PCDH7: variants seen among roughly 807,000 people sequenced by gnomAD.
The protein encoded by PCDH7 is protocadherin 7.
Under a neutral mutation model 58.9 loss-of-function variants are expected in PCDH7, and 17 were observed. The ratio of observed to expected loss-of-function variants is 0.29; its 90% CI spans 0.20 to 0.43. The LOEUF (loss-of-function observed/expected upper bound fraction) is 0.43, where lower values mean the gene tolerates loss of function less well. Ranked by LOEUF, PCDH7 falls within the 20% of genes least tolerant of loss-of-function variation. The pLI, the probability that PCDH7 is intolerant of heterozygous loss-of-function variation, is 1.00. For synonymous variants in PCDH7, 664 were observed against 616.4 expected (o/e 1.08, Z -1.14); for missense variants, 1,274 against 1,441.0 (o/e 0.88, Z 1.88).
At chr4:30,909,779 C>G (rs997933280) in intron 1 of PCDH7, among the ~76,000 whole-genome samples, 2 of 152,100 alleles carry the variant, frequency 1.3e-5, no homozygotes, top group Non-Finnish European at 2.9e-5. Context: ...CAATGCTATT[C>G]CCATCAAGCT....
chr4:31,123,691 C>T (rs1717949745), intron 3 of PCDH7, among the ~76,000 whole-genome samples: 1 of 152,098 alleles, frequency 6.6e-6, no homozygotes, highest in South Asian at 2.1e-4. Context: ...TTTTTGGATT[C>T]CCACACCCAG....
intron 3 of PCDH7, among the ~76,000 whole-genome samples, chr4:31,061,423 T>C (rs905498535): frequency 6.6e-6 from 1 of 151,634 alleles, no homozygotes; most frequent in African/African-American, 2.4e-5. Context: ...TTTAATTTTC[T>C]TCTAGAGAGT....
intron 1 of PCDH7, among the ~76,000 whole-genome samples, chr4:30,894,512 TATATACACACAC>T (rs1289923533): frequency 0.018 from 896 of 50,236 alleles, 6 homozygotes; most frequent in East Asian, 0.025. Context: ...TATATATATA[TATATACACACAC>T]ACACACACAC....
chr4:31,013,967 A>G (rs1368430009), intron 3 of PCDH7, among the ~76,000 whole-genome samples: 1 of 152,110 alleles, frequency 6.6e-6, no homozygotes, highest in African/African-American at 2.4e-5. Flanking sequence ...TATCTCAGGG[A>G]TTTTAGCTAA....
chr4:30,749,139 A>G (rs1048356913), intron 1 of PCDH7, among the ~76,000 whole-genome samples: 6 of 152,340 alleles, frequency 3.9e-5, no homozygotes, highest in Middle Eastern at 3.4e-3. Context: ...TAATGAATCC[A>G]AGATAATGTC....
chr4:30,762,520 TA>T (rs1720160166), intron 1 of PCDH7, among the ~76,000 whole-genome samples: 1 of 152,236 alleles, frequency 6.6e-6, no homozygotes, highest in African/African-American at 2.4e-5. Context: ...AATCTTCATT[TA>T]TTTTAGTTCT....
At chr4:30,915,548 G>C (rs908102831) in intron 1 of PCDH7, among the ~76,000 whole-genome samples, 1 of 151,984 alleles carries the variant, frequency 6.6e-6, no homozygotes, top group African/African-American at 2.4e-5. Context: ...TTTTTGAGAT[G>C]GAGTCTCGCT....
At chr4:30,931,672 C>T (rs1043712210) in intron 2 of PCDH7, among the ~76,000 whole-genome samples, 5 of 151,728 alleles carry the variant, frequency 3.3e-5, no homozygotes, top group African/African-American at 1.2e-4. Flanking sequence ...AAACTGGAGA[C>T]CAGAAAATGG....
rs539979913 is a variant in PCDH7 at position 30,925,606 on chromosome 4, T to C, written c.287+5237T>C. 6.6e-5 allele frequency: 10 copies of C among 152,356 alleles called. No homozygotes were observed. The East Asian group carries it at 1.5e-3, about 24-fold the overall frequency. The allele number at this position is 152,356 out of a possible 1,614,324, so 9.4% of individuals were successfully genotyped here. A position where few individuals can be genotyped will look rare whatever the true frequency, so the allele number is the denominator to read the frequency against. On this transcript the variant is annotated intron_variant, in intron 2 of 3. Transcript: ENST00000509759. ...TTTGCATTTCTCTGTGCCACCCTAG[T>C]TGCCAGTGTCTGACTGAGGCTGCAA... is the stretch of plus-strand genomic sequence containing the variant.
intron 3 of PCDH7, among the ~76,000 whole-genome samples, chr4:30,981,849 T>C (rs1256049891): frequency 6.6e-6 from 1 of 152,212 alleles, no homozygotes; most frequent in Non-Finnish European, 1.5e-5. Flanking sequence ...AAAATGATAG[T>C]CAGAGTTCAT....
intron 3 of PCDH7, among the ~76,000 whole-genome samples, chr4:31,041,316 T>C (rs759498075): frequency 1.1e-4 from 17 of 152,206 alleles, no homozygotes; most frequent in African/African-American, 4.1e-4. Flanking sequence ...TTTTGAGTGA[T>C]GAAAATATTT....
chr4:31,030,669 T>G (rs1243611117), intron 3 of PCDH7, among the ~76,000 whole-genome samples: 1 of 152,214 alleles, frequency 6.6e-6, no homozygotes, highest in Non-Finnish European at 1.5e-5. Flanking sequence ...AGAGCTAATT[T>G]GTTTAGTAAT....
intron 3 of PCDH7, among the ~76,000 whole-genome samples, chr4:31,137,230 G>A (rs1217476917): frequency 6.6e-6 from 1 of 152,250 alleles, no homozygotes; most frequent in South Asian, 2.1e-4. Context: ...AAGGAAAAAA[G>A]GAAAAAGTTC....
chr4:30,990,548 G>T (rs1044586302), intron 3 of PCDH7, among the ~76,000 whole-genome samples: 7 of 151,878 alleles, frequency 4.6e-5, no homozygotes, highest in Non-Finnish European at 8.8e-5. Context: ...TTTATATATG[G>T]TACAATGTTT....
intron 1 of PCDH7, among the ~76,000 whole-genome samples, chr4:30,919,855 T>C (rs908730352): frequency 1.3e-5 from 2 of 152,188 alleles, no homozygotes; most frequent in African/African-American, 4.8e-5. Flanking sequence ...TACTATAGAA[T>C]AGAAAAAGGT....
chr4:31,103,921 C>G (rs1715223787), intron 3 of PCDH7, among the ~76,000 whole-genome samples: 1 of 152,176 alleles, frequency 6.6e-6, no homozygotes, highest in Admixed American at 6.5e-5. Flanking sequence ...TCTATTCATT[C>G]TGGATCAGTT....
intron 3 of PCDH7, among the ~76,000 whole-genome samples, chr4:30,977,750 T>A (rs892959681): frequency 6.6e-6 from 1 of 152,154 alleles, no homozygotes; most frequent in African/African-American, 2.4e-5. Flanking sequence ...CTGTGGCTCT[T>A]TATCACTCAG....
chr4:31,136,481 A>T (rs1719618556), intron 3 of PCDH7, among the ~76,000 whole-genome samples: 1 of 152,194 alleles, frequency 6.6e-6, no homozygotes, highest in Non-Finnish European at 1.5e-5. Context: ...AATGGTACAG[A>T]TGATGCCACA....
intron 1 of PCDH7, among the ~76,000 whole-genome samples, chr4:30,850,443 C>A (rs1231965124): frequency 1.3e-5 from 2 of 152,064 alleles, no homozygotes; most frequent in African/African-American, 4.8e-5. Flanking sequence ...TTGGTTTCAT[C>A]TCATATTATA....
Sources: gnomAD v4.1 joint callset for allele counts (sites outside exome capture counted in the v4.1 genomes callset) on GRCh38, gnomAD v4.1.1 for gene constraint, MANE v1.5 for transcripts, NCBI Gene and HGNC (gene_info 2026-07-23, HGNC 2026-07-21) for gene names.